Variants in PRKG1 observed in about 807,000 individuals in gnomAD.
The protein encoded by PRKG1 is protein kinase cGMP-dependent 1.
PRKG1 carries 35 observed loss-of-function variants against 88.1 expected under a neutral mutation model. The ratio of observed to expected loss-of-function variants is 0.40; its 90% CI spans 0.30 to 0.53. PRKG1 has a LOEUF of 0.53. Among genes scored for constraint, PRKG1 ranks in the 20% least tolerant of loss-of-function variants. The probability of loss-of-function intolerance (pLI) is 0.59; values close to 1 mark genes in which losing one functional copy is unlikely to be tolerated. For synonymous variants in PRKG1, 303 were observed against 292.5 expected (o/e 1.04, Z -0.37); for missense variants, 540 against 839.8 (o/e 0.64, Z 4.41).
intron 7 of PRKG1, 65 bp from the exon 8 acceptor site, chr10:52,133,775 C>A: frequency 7.4e-7 from 1 of 1,344,402 alleles, no homozygotes. Flanking sequence ...CTGAATTAAT[C>A]ACAATGGACA....
chr10:51,941,739 T>C (rs1018141481), intron 5 of PRKG1, among the ~76,000 whole-genome samples: 5 of 151,858 alleles, frequency 3.3e-5, no homozygotes, highest in Non-Finnish European at 7.4e-5. Context: ...TCACTGAGAA[T>C]GATGATTTCC....
chr10:51,430,139 G>A (rs980063417), intron 2 of PRKG1, among the ~76,000 whole-genome samples: 1 of 148,966 alleles, frequency 6.7e-6, no homozygotes, highest in African/African-American at 2.5e-5. Flanking sequence ...AAAAAAGCCA[G>A]GCGTGGTGGC....
At chr10:51,278,743 A>T (rs187828475) in intron 2 of PRKG1, among the ~76,000 whole-genome samples, 1 of 152,168 alleles carries the variant, frequency 6.6e-6, no homozygotes, top group Non-Finnish European at 1.5e-5. Context: ...ATTTGCATAG[A>T]GGTGTTTATA....
At chr10:52,142,909 C>T (rs1837622090) in intron 8 of PRKG1, among the ~76,000 whole-genome samples, 1 of 152,134 alleles carries the variant, frequency 6.6e-6, no homozygotes. Flanking sequence ...TGGTTCACTA[C>T]TGTATCCACA....
chr10:51,644,043 G>A (rs2132302246), intron 3 of PRKG1, among the ~76,000 whole-genome samples: 1 of 152,174 alleles, frequency 6.6e-6, no homozygotes, highest in Non-Finnish European at 1.5e-5. Flanking sequence ...CCTATCATAT[G>A]GGTCTCTAAA....
chr10:51,431,081 T>C (rs1335043562), intron 2 of PRKG1, among the ~76,000 whole-genome samples: 1 of 152,042 alleles, frequency 6.6e-6, no homozygotes, highest in Non-Finnish European at 1.5e-5. Flanking sequence ...TATGTAAAAT[T>C]AGACTGAAAT....
At chr10:52,008,344 T>C (rs1488479483) in intron 5 of PRKG1, among the ~76,000 whole-genome samples, 2 of 152,070 alleles carry the variant, frequency 1.3e-5, no homozygotes, top group East Asian at 3.9e-4. Flanking sequence ...TAGGTGTTGG[T>C]TTTTTGAAAA....
chr10:51,511,459 T>C (rs1357413497), intron 3 of PRKG1, among the ~76,000 whole-genome samples: 2 of 152,140 alleles, frequency 1.3e-5, no homozygotes, highest in African/African-American at 4.8e-5. Flanking sequence ...AAGGATCATA[T>C]ACAGAATATT....
chr10:52,009,571 T>C (rs539061772), intron 5 of PRKG1, among the ~76,000 whole-genome samples: 4 of 152,170 alleles, frequency 2.6e-5, no homozygotes, highest in African/African-American at 9.6e-5. Flanking sequence ...ATAGGAAGAA[T>C]AACATCATTA....
At chr10:50,992,466 C>T (rs1381318874) in intron 1 of PRKG1, among the ~76,000 whole-genome samples, 1 of 152,162 alleles carries the variant, frequency 6.6e-6, no homozygotes, top group Non-Finnish European at 1.5e-5. Flanking sequence ...CAGCCCTGTC[C>T]CAAGGTGGAT....
At chr10:51,717,398 A>C (rs1841911925) in intron 3 of PRKG1, among the ~76,000 whole-genome samples, 1 of 152,230 alleles carries the variant, frequency 6.6e-6, no homozygotes, top group African/African-American at 2.4e-5. Flanking sequence ...CAGAGCCAAG[A>C]GGGCAGCTAA....
intron 8 of PRKG1, among the ~76,000 whole-genome samples, chr10:52,145,686 A>G (rs2132657887): frequency 6.6e-6 from 1 of 152,274 alleles, no homozygotes; most frequent in Non-Finnish European, 1.5e-5. Context: ...TTTTTGGTGG[A>G]GTTAAATGGT....
intron 2 of PRKG1, among the ~76,000 whole-genome samples, chr10:51,330,859 G>A (rs1841722411): frequency 6.6e-6 from 1 of 152,114 alleles, no homozygotes; most frequent in Admixed American, 6.5e-5. Context: ...TGATCCTTGT[G>A]TCTGCATATT....
intron 7 of PRKG1, among the ~76,000 whole-genome samples, chr10:52,116,561 A>T (rs1329103075): frequency 6.6e-6 from 1 of 152,208 alleles, no homozygotes; most frequent in East Asian, 1.9e-4. Flanking sequence ...TAATAACAAC[A>T]GAGGGTCTTA....
chr10:51,063,654 G>A (rs1187093012), intron 1 of PRKG1, among the ~76,000 whole-genome samples: 1 of 152,070 alleles, frequency 6.6e-6, no homozygotes, highest in Admixed American at 6.6e-5. Flanking sequence ...TTCTAAATTA[G>A]GTTATTACAA....
intron 3 of PRKG1, among the ~76,000 whole-genome samples, chr10:51,551,254 G>C (rs1333862452): frequency 6.6e-6 from 1 of 151,672 alleles, no homozygotes; most frequent in Non-Finnish European, 1.5e-5. Context: ...ACTTCTGATC[G>C]ATGCACAAGG....
At chr10:51,257,902 G>T (rs1371510843) in intron 2 of PRKG1, among the ~76,000 whole-genome samples, 1 of 152,156 alleles carries the variant, frequency 6.6e-6, no homozygotes, top group South Asian at 2.1e-4. Flanking sequence ...GAAAATCAGG[G>T]TTCTTTTGCC....
chr10:51,961,822 A>T (rs1442078138), intron 5 of PRKG1, among the ~76,000 whole-genome samples: 1 of 152,150 alleles, frequency 6.6e-6, no homozygotes, highest in Admixed American at 6.5e-5. Flanking sequence ...CTGTACTGAC[A>T]TTGTTGCAGC....
chr10:51,152,976 C>CTTTT lies in PRKG1; in HGVS notation c.312-174_312-171dup, dbSNP rs1283273580. Among the ~76,000 whole-genome samples, 167 of 112,602 alleles carry CTTTT rather than the reference C, an allele frequency of 1.5e-3. 8 individuals are homozygous for CTTTT. Among genetic ancestry groups the CTTTT allele is most frequent in the African/African-American group, 4.0e-3 (113 of 28,174 alleles). The allele number at this position is 112,602 out of a possible 152,430, so 73.9% of individuals were successfully genotyped here. A position where few individuals can be genotyped will look rare whatever the true frequency, so the allele number is the denominator to read the frequency against. ...AATACTTAAAAAAAATTCTTAGTGC[C>CTTTT]TTTTTTTTTTTTTTTTTGTTTTGCT... On this transcript the variant is annotated intron_variant, in intron 1 of 17. Transcript: ENST00000373980.
Sources: gnomAD v4.1 joint callset for allele counts (sites outside exome capture counted in the v4.1 genomes callset) on GRCh38, gnomAD v4.1.1 for gene constraint, MANE v1.5 for transcripts, NCBI Gene and HGNC (gene_info 2026-07-23, HGNC 2026-07-21) for gene names.